SEMA5A: variants seen among roughly 807,000 people sequenced by gnomAD.
SEMA5A encodes the protein semaphorin-5A.
In SEMA5A, 55 loss-of-function variants were observed where a neutral mutation model predicts 135.5. The ratio of observed to expected loss-of-function variants is 0.41; its 90% confidence interval spans 0.33 to 0.51. The LOEUF is 0.51. Ranked by LOEUF, SEMA5A falls within the 20% of genes least tolerant of loss-of-function variation. The pLI is 0.37. For missense variants in SEMA5A, 1,290 were observed against 1,419.9 expected (o/e 0.91, Z 1.47); for synonymous variants, 580 against 546.5 (o/e 1.06, Z -0.85).
At chr5:9,120,713 T>C (rs1330345704) in intron 14 of SEMA5A, among the ~76,000 whole-genome samples, 1 of 152,200 alleles carries the variant, frequency 6.6e-6, no homozygotes, top group East Asian at 1.9e-4. Context: ...TGTTAGATCA[T>C]GAAGCAAATG....
At chr5:9,111,210 T>TC (rs972385409) in intron 15 of SEMA5A, among the ~76,000 whole-genome samples, 69 of 152,152 alleles carry the variant, frequency 4.5e-4, no homozygotes, top group Non-Finnish European at 7.9e-4. Flanking sequence ...CTAAGCTGAT[T>TC]CACCAGCATT....
intron 16 of SEMA5A, among the ~76,000 whole-genome samples, chr5:9,070,168 C>T (rs560914035): frequency 2.0e-5 from 3 of 152,222 alleles, no homozygotes; most frequent in East Asian, 3.9e-4. Flanking sequence ...GTCAGGAGTT[C>T]GAGACCAGCC....
intron 10 of SEMA5A, among the ~76,000 whole-genome samples, chr5:9,196,216 T>C (rs778958705): frequency 5.9e-5 from 9 of 152,210 alleles, no homozygotes; most frequent in Non-Finnish European, 1.3e-4. Flanking sequence ...GCCACCCAAA[T>C]TCCTACCCTC....
At chr5:9,093,430 C>T (rs550995235) in intron 16 of SEMA5A, among the ~76,000 whole-genome samples, 34 of 152,238 alleles carry the variant, frequency 2.2e-4, no homozygotes, top group Non-Finnish European at 3.8e-4. Flanking sequence ...ACTGAATGGC[C>T]GGGCGTGGTA....
chr5:9,050,141 A>G (rs184304469), intron 21 of SEMA5A, among the ~76,000 whole-genome samples: 3 of 152,284 alleles, frequency 2.0e-5, no homozygotes, highest in African/African-American at 7.2e-5. Context: ...CTGTGGATCA[A>G]GGTGGGGCCT....
At chr5:9,169,825 T>G (rs1384923420) in intron 11 of SEMA5A, among the ~76,000 whole-genome samples, 1 of 152,184 alleles carries the variant, frequency 6.6e-6, no homozygotes, top group Non-Finnish European at 1.5e-5. Flanking sequence ...AACTACCAAC[T>G]ATTTGCCCTA....
At chr5:9,171,990 G>A (rs1366685292) in intron 11 of SEMA5A, among the ~76,000 whole-genome samples, 1 of 152,190 alleles carries the variant, frequency 6.6e-6, no homozygotes, top group Non-Finnish European at 1.5e-5. Flanking sequence ...CAAACTGGGT[G>A]AAAGGTCAGA....
chr5:9,512,106 G>A (rs888891330), intron 1 of SEMA5A: 1 of 152,132 alleles, frequency 6.6e-6, no homozygotes, highest in Non-Finnish European at 1.5e-5. Context: ...AAAGTCAAAG[G>A]AAGTCAAAAT....
At chr5:9,120,089 A>T (rs548353546) in intron 14 of SEMA5A, among the ~76,000 whole-genome samples, 213 of 151,538 alleles carry the variant, frequency 1.4e-3, no homozygotes, top group African/African-American at 4.6e-3. Context: ...TTTTTTTTTA[A>T]AATTTTATGT....
At chr5:9,421,470 G>C (rs17258015) in intron 2 of SEMA5A, among the ~76,000 whole-genome samples, 36,011 of 151,986 alleles carry the variant, frequency 0.24, 4,778 homozygotes, top group Non-Finnish European at 0.31. Context: ...ATGTATGCTG[G>C]TATTTTTATT....
chr5:9,477,427 G>T (rs1227983642), intron 1 of SEMA5A, among the ~76,000 whole-genome samples: 3 of 152,166 alleles, frequency 2.0e-5, no homozygotes, highest in Admixed American at 2.0e-4. Flanking sequence ...ACAGGAAGAT[G>T]GGGGAAAGTT....
At chr5:9,202,298 C>T (rs1314872504) in intron 8 of SEMA5A, 58 bp from the exon 9 acceptor site, 2 of 1,556,664 alleles carry the variant, frequency 1.3e-6, no homozygotes, top group Non-Finnish European at 1.7e-6. Flanking sequence ...CCCTTTTGGT[C>T]TTGCCTGCTC....
intron 18 of SEMA5A, among the ~76,000 whole-genome samples, chr5:9,061,071 G>A (rs1737156456): frequency 6.6e-6 from 1 of 151,668 alleles, no homozygotes. Context: ...TTTCTCCTTG[G>A]TGAAATCCAC....
At chr5:9,101,558 GT>G (rs746395158) in intron 16 of SEMA5A, among the ~76,000 whole-genome samples, 10 of 152,148 alleles carry the variant, frequency 6.6e-5, no homozygotes, top group Non-Finnish European at 1.5e-4. Context: ...TTTCAGTGGA[GT>G]TAGAGTCAAC....
intron 16 of SEMA5A, among the ~76,000 whole-genome samples, chr5:9,074,493 GAATT>G (rs1488042290): frequency 6.6e-6 from 1 of 152,032 alleles, no homozygotes; most frequent in East Asian, 1.9e-4. Flanking sequence ...CAATTAAAAT[GAATT>G]AATCAAAATA....
intron 1 of SEMA5A, among the ~76,000 whole-genome samples, chr5:9,468,761 A>G (rs890950843): frequency 6.6e-6 from 1 of 152,338 alleles, no homozygotes; most frequent in South Asian, 2.1e-4. Context: ...TCGAATTACT[A>G]GTATCACAAC....
At chr5:9,088,375 T>C (rs1738828846) in intron 16 of SEMA5A, among the ~76,000 whole-genome samples, 1 of 150,292 alleles carries the variant, frequency 6.7e-6, no homozygotes, top group South Asian at 2.1e-4. Context: ...TAAATATAAG[T>C]ATATAGAATA....
At chr5:9,371,753 A>G (rs1383345187) in intron 3 of SEMA5A, among the ~76,000 whole-genome samples, 1 of 152,198 alleles carries the variant, frequency 6.6e-6, no homozygotes, top group Non-Finnish European at 1.5e-5. Flanking sequence ...AGGATATTTA[A>G]GGATCCATAA....
intron 5 of SEMA5A, among the ~76,000 whole-genome samples, chr5:9,312,840 G>C (rs979755797): frequency 6.6e-6 from 1 of 152,204 alleles, no homozygotes; most frequent in Non-Finnish European, 1.5e-5. Context: ...TGTCTTGGAA[G>C]TGAGTTTTCT....
Sources: gnomAD v4.1 joint callset for allele counts (sites outside exome capture counted in the v4.1 genomes callset) on GRCh38, gnomAD v4.1.1 for gene constraint, MANE v1.5 for transcripts, NCBI Gene and HGNC (gene_info 2026-07-23, HGNC 2026-07-21) for gene names.